The following METTL15 variants were observed in gnomAD, a reference collection of about 807,000 sequenced individuals.
METTL15 encodes the protein methyltransferase 15, mitochondrial 12S rRNA N4-cytidine.
A neutral mutation model predicts 38.3 loss-of-function variants in METTL15; 34 were observed. The ratio of observed to expected loss-of-function variants is 0.89; its 90% CI spans 0.68 to 1.18. The LOEUF is 1.18. METTL15 is among the 50% of genes most tolerant of loss of function. METTL15 has a pLI of 0.00. For synonymous variants in METTL15, 162 were observed against 170.9 expected (o/e 0.95, Z 0.41); for missense variants, 438 against 498.4 (o/e 0.88, Z 1.15).
chr11:28,144,906 G>T, intron 3 of METTL15: 1 of 165,928 alleles, frequency 6.0e-6, no homozygotes, highest in East Asian at 1.6e-4. Flanking sequence ...ATACATTATA[G>T]GCAATGGTGC....
chr11:28,422,469 G>C (rs1027013878), intron 5 of METTL15, among the ~76,000 whole-genome samples: 1 of 151,994 alleles, frequency 6.6e-6, no homozygotes, highest in African/African-American at 2.4e-5. Flanking sequence ...AAAACAGCAT[G>C]GTGCTGGCAT....
chr11:28,260,449 A>T (rs960145633), intron 4 of METTL15, among the ~76,000 whole-genome samples: 1 of 152,116 alleles, frequency 6.6e-6, no homozygotes, highest in Non-Finnish European at 1.5e-5. Flanking sequence ...ATGTCTTTCA[A>T]TACTTATTAC....
At chr11:28,177,781 C>T (rs1332966653) in intron 3 of METTL15, among the ~76,000 whole-genome samples, 1 of 151,688 alleles carries the variant, frequency 6.6e-6, no homozygotes, top group African/African-American at 2.4e-5. Flanking sequence ...TTTTTGGGTC[C>T]TTAGCAGGAG....
intron 5 of METTL15, among the ~76,000 whole-genome samples, chr11:28,372,614 T>C (rs1244480447): frequency 6.6e-6 from 1 of 151,834 alleles, no homozygotes; most frequent in African/African-American, 2.4e-5. Context: ...TATTCTTTTT[T>C]TTTTCCTTTT....
chr11:28,294,557 TGA>T (rs2133997353), intron 5 of METTL15, among the ~76,000 whole-genome samples: 1 of 152,296 alleles, frequency 6.6e-6, no homozygotes, highest in East Asian at 1.9e-4. Context: ...TTCAAGAATT[TGA>T]GAGTCTAGTT....
chr11:28,149,278 C>G (rs370164682), intron 3 of METTL15, among the ~76,000 whole-genome samples: 3 of 150,750 alleles, frequency 2.0e-5, no homozygotes, highest in African/African-American at 7.3e-5. Flanking sequence ...AAGTGTTTAA[C>G]TGACAGTACT....
intron 6 of METTL15, among the ~76,000 whole-genome samples, chr11:28,326,755 T>TTTTTTG (rs1230803473): frequency 5.3e-5 from 8 of 151,792 alleles, no homozygotes; most frequent in African/African-American, 7.3e-5. Flanking sequence ...ATTGTAGGAT[T>TTTTTTG]TTTTTGTTTT....
chr11:28,512,912 A>T (rs1257925411), intron 6 of METTL15, among the ~76,000 whole-genome samples: 4 of 152,182 alleles, frequency 2.6e-5, no homozygotes. Flanking sequence ...TATTAAGTAG[A>T]AGTGGATCAT....
At chr11:28,363,100 A>G (rs954984410) in intron 5 of METTL15, among the ~76,000 whole-genome samples, 1 of 152,128 alleles carries the variant, frequency 6.6e-6, no homozygotes, top group African/African-American at 2.4e-5. Context: ...CAGCTCTCTG[A>G]TGAGTAGTGA....
At chr11:28,203,693 G>C (rs1012009427) in intron 3 of METTL15, among the ~76,000 whole-genome samples, 1 of 152,026 alleles carries the variant, frequency 6.6e-6, no homozygotes, top group African/African-American at 2.4e-5. Flanking sequence ...CCTTTGACCT[G>C]TGAAATGTGG....
intron 6 of METTL15, among the ~76,000 whole-genome samples, chr11:28,326,965 G>A (rs76686692): frequency 7.8e-6 from 1 of 127,534 alleles, no homozygotes; most frequent in African/African-American, 3.4e-5. Flanking sequence ...ATATTCTTTT[G>A]TTTCTTTTTA....
intron 5 of METTL15, among the ~76,000 whole-genome samples, chr11:28,413,441 T>C (rs1171851471): frequency 2.0e-5 from 3 of 152,198 alleles, no homozygotes; most frequent in East Asian, 1.9e-4. Flanking sequence ...CGAGATATAA[T>C]TTTTACAGGT....
chr11:28,284,880 A>T (rs1345917248), intron 4 of METTL15, among the ~76,000 whole-genome samples: 2 of 152,100 alleles, frequency 1.3e-5, no homozygotes, highest in Non-Finnish European at 2.9e-5. Flanking sequence ...ATACATGGTG[A>T]TATGGTTTGG....
At chr11:28,259,252 G>A (rs1280696841) in intron 4 of METTL15, among the ~76,000 whole-genome samples, 1 of 152,032 alleles carries the variant, frequency 6.6e-6, no homozygotes, top group African/African-American at 2.4e-5. Flanking sequence ...TTTCCAAGAT[G>A]CAAGACAACG....
chr11:28,487,543 A>T (rs1851448551), intron 6 of METTL15, among the ~76,000 whole-genome samples: 1 of 152,318 alleles, frequency 6.6e-6, no homozygotes, highest in East Asian at 1.9e-4. Context: ...AAGGCATATG[A>T]TCACAGTTTT....
chr11:28,292,277 G>T (rs555606179), intron 5 of METTL15, among the ~76,000 whole-genome samples: 1 of 137,826 alleles, frequency 7.3e-6, no homozygotes, highest in African/African-American at 2.7e-5. Context: ...TCTCATTGTT[G>T]AATTTGCACC....
At chr11:28,167,752 A>C (rs1387398524) in intron 3 of METTL15, among the ~76,000 whole-genome samples, 1 of 151,706 alleles carries the variant, frequency 6.6e-6, no homozygotes, top group Admixed American at 6.6e-5. Context: ...ATACGAAAAA[A>C]TATATAAATT....
At chr11:28,318,018 T>C (rs1179809953) in intron 6 of METTL15, among the ~76,000 whole-genome samples, 1 of 152,188 alleles carries the variant, frequency 6.6e-6, no homozygotes, top group East Asian at 1.9e-4. Context: ...ACTCCCAATT[T>C]GCGTTTACCA....
At chr11:28,241,061 A>G (rs1854271677) in intron 4 of METTL15, among the ~76,000 whole-genome samples, 1 of 152,184 alleles carries the variant, frequency 6.6e-6, no homozygotes, top group Non-Finnish European at 1.5e-5. Flanking sequence ...TCATTTATTT[A>G]GCATATATTT....
Sources: allele counts gnomAD v4.1 joint callset (sites outside exome capture counted in the v4.1 genomes callset), GRCh38; gene constraint gnomAD v4.1.1; transcripts MANE v1.5; gene names NCBI Gene and HGNC (gene_info 2026-07-23, HGNC 2026-07-21).